Variants in PACRG observed in about 807,000 individuals in gnomAD.
PACRG encodes parkin coregulated gene protein.
In PACRG, 29 loss-of-function variants were observed where a neutral mutation model predicts 29.7. That is an observed-to-expected ratio of 0.98 (90% confidence interval 0.73 to 1.33). The LOEUF (loss-of-function observed/expected upper bound fraction) is 1.33, where lower values mean the gene tolerates loss of function less well. PACRG is among the 40% of genes most tolerant of loss of function. The pLI, the probability that PACRG is intolerant of heterozygous loss-of-function variation, is 0.00. For synonymous variants in PACRG, 116 were observed against 118.7 expected, an observed-to-expected ratio of 0.98 and a Z score of 0.15; for missense variants, 279 against 316.2, an observed-to-expected ratio of 0.88 and a Z score of 0.89.
At chr6:162,803,416 G>A (rs1456204396) in intron 1 of PACRG, among the ~76,000 whole-genome samples, 6 of 152,136 alleles carry the variant, frequency 3.9e-5, no homozygotes, top group Non-Finnish European at 7.4e-5. Context: ...GGAAATCATT[G>A]ATGGATTTTA....
intron 4 of PACRG, among the ~76,000 whole-genome samples, chr6:163,194,960 A>G (rs1277058077): frequency 6.6e-6 from 1 of 152,026 alleles, no homozygotes; most frequent in African/African-American, 2.4e-5. Flanking sequence ...GGGCTCTTCA[A>G]GTGCCTCCCC....
In PACRG at chr6:162,968,796, C is replaced by A. The variant is rs150606060; in HGVS notation, c.292-93354C>A. On this transcript the variant is annotated intron_variant, in intron 2 of 4. Coordinates refer to ENST00000366888, the MANE Select transcript of PACRG (RefSeq NM_001080379.2). ...GGGCGCGGTGGGTCACGCCTGTAAT[C>A]CCAGCACTTTGGGAGGCTGAGGTGG... Among the ~76,000 whole-genome samples the A allele has an allele frequency of 6.4e-4, 98 of 152,160 alleles. 1 individual carries two copies. The East Asian group carries it at 0.015, about 24-fold the overall frequency.
chr6:163,025,775 C>T (rs890297924), intron 2 of PACRG, among the ~76,000 whole-genome samples: 21 of 152,206 alleles, frequency 1.4e-4, no homozygotes, highest in Admixed American at 1.0e-3. Context: ...GTTCTTTCCA[C>T]GCAGCCTCAG....
chr6:163,068,741 T>A lies in PACRG; in HGVS notation c.463+6420T>A, dbSNP rs185094756. Among the ~76,000 whole-genome samples the A allele has an allele frequency of 3.2e-4, 48 of 152,288 alleles. 1 individual carries two copies. The East Asian group carries it at 5.6e-3, about 18-fold the overall frequency. ...TGTCCTTGACTCTATCTTCCGAAAT[T>A]GTGAATATTTCACTTTAGTTATTGT... On this transcript the variant is annotated intron_variant, in intron 3 of 4. Transcript: ENST00000366888.
intron 2 of PACRG, among the ~76,000 whole-genome samples, chr6:162,985,257 G>A (rs557390345): frequency 1.6e-4 from 24 of 151,944 alleles, no homozygotes; most frequent in African/African-American, 4.8e-4. Context: ...TTAAAAAAAC[G>A]AAAACTACAG....
chr6:163,216,074 TC>T (rs1257464033), intron 4 of PACRG, among the ~76,000 whole-genome samples: 1 of 152,228 alleles, frequency 6.6e-6, no homozygotes, highest in Admixed American at 6.5e-5. Flanking sequence ...AGATCATTTT[TC>T]AATTGAACAC....
At chr6:163,260,525 C>T (rs1297641127) in intron 4 of PACRG, among the ~76,000 whole-genome samples, 1 of 152,180 alleles carries the variant, frequency 6.6e-6, no homozygotes. Flanking sequence ...TTGTAGAAAA[C>T]CGTGCCTAGC....
At chr6:163,132,405 T>C (rs1444981149) in intron 4 of PACRG, among the ~76,000 whole-genome samples, 1 of 152,234 alleles carries the variant, frequency 6.6e-6, no homozygotes, top group East Asian at 1.9e-4. Context: ...CAGGAATCAT[T>C]ATTGATAAGG....
rs1022534073 is a variant in PACRG, at chr6:162,777,557, T to C, written c.157-36590T>C. 6.6e-6 allele frequency among the ~76,000 whole-genome samples: 1 copy of C among 152,198 alleles called. No homozygotes were observed. The highest frequency in any genetic ancestry group is 1.5e-5 in the Non-Finnish European group (1 of 68,036). ...TCATGGTGCTATTTATTGTTATTAT[T>C]AATTATTAGTTTTTTAATCACAGCC... is the stretch of plus-strand genomic sequence containing the variant. On this transcript the variant is annotated intron_variant, in intron 1 of 4. Transcript: ENST00000366888. The surrounding 1 kb of genome is among the most constrained non-coding windows in gnomAD (Gnocchi z 4.0).
intron 2 of PACRG, among the ~76,000 whole-genome samples, chr6:163,019,082 T>A (rs1029972477): frequency 6.6e-6 from 1 of 152,224 alleles, no homozygotes; most frequent in African/African-American, 2.4e-5. Flanking sequence ...AAATATGTGA[T>A]CTTGTTTTGA....
At chr6:163,122,985 C>T (rs1038587212) in intron 4 of PACRG, among the ~76,000 whole-genome samples, 13 of 152,234 alleles carry the variant, frequency 8.5e-5, no homozygotes, top group African/African-American at 1.2e-4. Context: ...ATGCTATTAA[C>T]GACAAGGACA....
At chr6:162,906,077 T>G (rs1465223479) in intron 2 of PACRG, among the ~76,000 whole-genome samples, 2 of 152,200 alleles carry the variant, frequency 1.3e-5, no homozygotes, top group East Asian at 3.9e-4. Context: ...TGATTCCAAC[T>G]GCGGCAAGGT....
At chr6:162,795,932 T>C (rs1313128609) in intron 1 of PACRG, among the ~76,000 whole-genome samples, 3 of 152,226 alleles carry the variant, frequency 2.0e-5, no homozygotes, top group Non-Finnish European at 4.4e-5. Flanking sequence ...TAATTTTGCA[T>C]GCTAGTACCT....
intron 3 of PACRG, among the ~76,000 whole-genome samples, chr6:163,077,502 C>G (rs1160783016): frequency 6.6e-6 from 1 of 151,818 alleles, no homozygotes; most frequent in Non-Finnish European, 1.5e-5. Flanking sequence ...AAAACACCAC[C>G]GAGTAAGAAT....
At chr6:163,014,879 T>G (rs1166844589) in intron 2 of PACRG, among the ~76,000 whole-genome samples, 1 of 152,168 alleles carries the variant, frequency 6.6e-6, no homozygotes, top group Non-Finnish European at 1.5e-5. Flanking sequence ...GTTTTTGTTT[T>G]TGTTGCAATT....
At chr6:163,144,872 A>C (rs1777733432) in intron 4 of PACRG, among the ~76,000 whole-genome samples, 1 of 152,204 alleles carries the variant, frequency 6.6e-6, no homozygotes, top group Non-Finnish European at 1.5e-5. Flanking sequence ...TAAAGTCTGA[A>C]AAAAACAGAG....
intron 2 of PACRG, among the ~76,000 whole-genome samples, chr6:162,874,283 C>T (rs935167182): frequency 7.2e-5 from 11 of 151,864 alleles, no homozygotes; most frequent in Non-Finnish European, 1.0e-4. Context: ...ATAAGACAAA[C>T]TATTTTAATC....
intron 2 of PACRG, among the ~76,000 whole-genome samples, chr6:162,947,484 CAT>C (rs1339686815): frequency 1.1e-4 from 12 of 112,978 alleles, no homozygotes; most frequent in African/African-American, 2.4e-4. Context: ...TATATATAAT[CAT>C]ATATATACTC....
Position 162,829,089 on chromosome 6 carries a change from C to G in PACRG, c.291+14808C>G, listed in dbSNP as rs1363318505. The stretch of plus-strand genomic sequence containing the variant: ...AATAAGAAAAACCTAAATAGCCAAG[C>G]AAATCCATTTTTTGTGTCCCCTTTC... On this transcript the variant is annotated intron_variant, in intron 2 of 4. Transcript: ENST00000366888. Among the ~76,000 whole-genome samples, 7 of 152,250 alleles carry G rather than the reference C, an allele frequency of 4.6e-5. No individual in the cohort carries two copies. In the East Asian group the frequency reaches 9.7e-4, roughly 21 times the overall value.
Sources: allele counts gnomAD v4.1 joint callset (sites outside exome capture counted in the v4.1 genomes callset), GRCh38; gene constraint gnomAD v4.1.1; non-coding constraint Gnocchi (gnomAD v3.1); transcripts MANE v1.5; gene names NCBI Gene and HGNC (gene_info 2026-07-23, HGNC 2026-07-21).